Variants in GTF3C2 observed in about 807,000 individuals in gnomAD.
GTF3C2 encodes general transcription factor IIIC subunit 2.
GTF3C2 carries 17 observed loss-of-function variants against 117.4 expected under a neutral mutation model. That is an observed-to-expected ratio of 0.14 (90% CI 0.10 to 0.22). The LOEUF (loss-of-function observed/expected upper bound fraction) is 0.22, where lower values mean the gene tolerates loss of function less well. GTF3C2 is among the 10% of genes least tolerant of loss of function. The pLI, the probability that GTF3C2 is intolerant of heterozygous loss-of-function variation, is 1.00. For missense variants in GTF3C2, 888 were observed against 1,143.6 expected, an observed-to-expected ratio of 0.78 and a Z score of 3.22; for synonymous variants, 437 against 427.0, an observed-to-expected ratio of 1.02 and a Z score of -0.29.
At chr2:27,356,006 A>G (rs1681361374) in intron 1 of GTF3C2, 2 of 832,536 alleles carry the variant, frequency 2.4e-6, no homozygotes, top group Admixed American at 2.3e-5. Context: ...AGTACAATTG[A>G]TAAGAGATTG....
chr2:27,341,661 G>A (rs181505791), intron 4 of GTF3C2: 1 of 397,632 alleles, frequency 2.5e-6, no homozygotes, highest in African/African-American at 2.0e-5. Flanking sequence ...GGGTAGTGCT[G>A]ATTGCACTGT....
rs181322617 is a variant in GTF3C2, at chr2:27,349,990, T to C, written c.-24-6412A>G. On this transcript the variant is annotated intron_variant, in intron 1 of 18. Transcript: ENST00000264720. Reference sequence around the variant, plus strand: ...AAAACTTCAAATCATATAAAAGATATAAATGTCAGGAACATTTAAACATCA... The same window carrying C: ...AAAACTTCAAATCATATAAAAGATACAAATGTCAGGAACATTTAAACATCA... Among the ~76,000 whole-genome samples, 8 of 152,170 alleles carry C rather than the reference T, an allele frequency of 5.3e-5. No homozygotes were observed. The East Asian group carries it at 1.4e-3, about 26-fold the overall frequency.
exon 3 of GTF3C2, chr2:27,342,869 C>T: frequency 6.2e-7 from 1 of 1,614,162 alleles, no homozygotes; most frequent in Non-Finnish European, 8.5e-7. Flanking sequence ...GAAGGGGTCT[C>T]AAAGTCCTCA....
At chr2:27,344,180 C>T (rs1572578629) in intron 1 of GTF3C2, among the ~76,000 whole-genome samples, 2 of 151,976 alleles carry the variant, frequency 1.3e-5, no homozygotes, top group Non-Finnish European at 2.9e-5. Context: ...CGCACCACCA[C>T]GCCCAGCTAA....
exon 19 of GTF3C2, chr2:27,326,450 G>T: frequency 1.7e-6 from 1 of 591,298 alleles, no homozygotes. Flanking sequence ...CTTAGGCTGA[G>T]GAGCCTTGAG....
In GTF3C2 at chr2:27,328,023, T is replaced by C. The variant is rs1393345979; in HGVS notation, c.2409+14A>G. On this transcript the variant is annotated intron_variant, in intron 17 of 18. Transcript: ENST00000264720. ...TTTTCTAATACCACACCCATTCTCC[T>C]GGCCTCAGCTTACCAAATCTGTGTC... 1 of 1,604,526 alleles carries C rather than the reference T, an allele frequency of 6.2e-7. No homozygotes were observed. Among genetic ancestry groups the C allele is most frequent in the South Asian group, 1.1e-5 (1 of 89,786 alleles).
intron 4 of GTF3C2, 142 bp from the exon 5 acceptor site, chr2:27,338,162 T>G: frequency 1.5e-6 from 1 of 667,028 alleles, no homozygotes; most frequent in Non-Finnish European, 2.7e-6. Flanking sequence ...TTAAAAGATT[T>G]GTGTTTCAAC....
At chr2:27,331,287 C>A (rs1680263621) in intron 12 of GTF3C2, among the ~76,000 whole-genome samples, 1 of 152,168 alleles carries the variant, frequency 6.6e-6, no homozygotes, top group Non-Finnish European at 1.5e-5. Flanking sequence ...TGCTAATTTC[C>A]TTATCTTCCT....
Position 27,337,360 on chromosome 2 carries a change from G to C in GTF3C2, c.1029-18C>G, listed in dbSNP as rs749594910. The C allele has an allele frequency of 3.6e-5, 56 of 1,560,414 alleles. No individual in the cohort carries two copies. Among genetic ancestry groups the C allele is most frequent in the Non-Finnish European group, 4.9e-5 (55 of 1,131,386 alleles). On this transcript the variant is annotated intron_variant, in intron 6 of 18. Transcript: ENST00000264720. ...CGGCCTCACTGGGGGAAGACAAAGG[G>C]AACAGTCTAAATTTGGAAGTGTTTC... is the stretch of plus-strand genomic sequence containing the variant.
At chr2:27,337,107 G>C (rs902687547) in intron 7 of GTF3C2, 137 bp downstream of exon 7, 2 of 636,212 alleles carry the variant, frequency 3.1e-6, no homozygotes, top group South Asian at 1.9e-5. Flanking sequence ...ACCAGCTCTA[G>C]TCAGCACTCT....
At position 27,351,448 on chromosome 2, in the gene GTF3C2, C is replaced by T. The variant is rs562692236; in HGVS notation, c.-25+5291G>A. On this transcript the variant is annotated intron_variant, in intron 1 of 18. Coordinates refer to ENST00000264720, the Ensembl canonical transcript of GTF3C2. Reference sequence around the variant, plus strand: ...AAATAAAATAATAACAAAACATATGCTATGATGGGAAACCACCTGCTGAAT... The same window carrying T: ...AAATAAAATAATAACAAAACATATGTTATGATGGGAAACCACCTGCTGAAT... 8.1e-4 allele frequency among the ~76,000 whole-genome samples: 123 copies of T among 151,968 alleles called. 1 individual carries two copies. The highest frequency in any genetic ancestry group is 9.3e-4 in the Non-Finnish European group (63 of 67,964).
chr2:27,339,424 A>AAAAG (rs1680635493), intron 4 of GTF3C2, among the ~76,000 whole-genome samples: 2 of 146,908 alleles, frequency 1.4e-5, no homozygotes, highest in African/African-American at 5.0e-5. Context: ...AAAAAAAAAA[A>AAAAG]AAAGAAAAAA....
exon 4 of GTF3C2, chr2:27,342,103 G>C (rs1680756582): frequency 3.1e-6 from 5 of 1,614,096 alleles, no homozygotes; most frequent in African/African-American, 1.3e-5. Context: ...TCTCCACCTG[G>C]ACAGGCTGCT....
chr2:27,348,008 C>A (rs1284083010), intron 1 of GTF3C2, among the ~76,000 whole-genome samples: 2 of 152,066 alleles, frequency 1.3e-5, no homozygotes, highest in African/African-American at 4.8e-5. Context: ...CAGTGGCTCA[C>A]GCCTGTAATC....
exon 19 of GTF3C2, chr2:27,326,460 G>A: frequency 1.7e-6 from 1 of 595,792 alleles, no homozygotes; most frequent in Non-Finnish European, 3.0e-6. Flanking sequence ...GGAGCCTTGA[G>A]AGTTGGTGGA....
chr2:27,338,255 C>G (rs1386051407), intron 4 of GTF3C2: 1 of 501,596 alleles, frequency 2.0e-6, no homozygotes, highest in Non-Finnish European at 3.6e-6. Flanking sequence ...TCAGCTTCCT[C>G]AACATCTCCA....
exon 2 of GTF3C2, chr2:27,343,384 C>T: frequency 1.2e-6 from 2 of 1,614,048 alleles, no homozygotes; most frequent in Non-Finnish European, 1.7e-6. Context: ...CAAATCCAGG[C>T]AAAGGGGTAG....
Position 27,342,867 on chromosome 2 carries a change from C to G in GTF3C2, c.528G>C (p.Glu176Asp), listed in dbSNP as rs1478281754. ...GGCGGGGTCGTTCCCCAGAAGGGGT[C>G]TCAAAGTCCTCAGGGGGCCTCTTTG... The change falls in exon 3 of 19, where the codon GAG becomes GAC. Residue 176 changes from glutamate (E) to aspartate (D), a missense_variant. Coordinates refer to ENST00000264720, the Ensembl canonical transcript of GTF3C2. The G allele has an allele frequency of 4.3e-6, 7 of 1,614,020 alleles. No individual in the cohort carries two copies. The African/African-American group carries it at 8.0e-5, about 18-fold the overall frequency.
rs147401992 is a variant in GTF3C2 at position 27,344,292 on chromosome 2, G to A, written c.-24-714C>T. Among the ~76,000 whole-genome samples the A allele has an allele frequency of 3.0e-3, 464 of 152,204 alleles. 1 individual carries two copies. The highest frequency in any genetic ancestry group is 0.011 in the African/African-American group (437 of 41,506). On this transcript the variant is annotated intron_variant, in intron 1 of 18. Coordinates refer to ENST00000264720, the Ensembl canonical transcript of GTF3C2. ...ACCCGCCTCAACCTCCCAAAGTGCT[G>A]GGATTACAGATAATGAGTCACTGCG...
Sources: gnomAD v4.1 joint callset for allele counts (sites outside exome capture counted in the v4.1 genomes callset) on GRCh38, gnomAD v4.1.1 for gene constraint, MANE v1.5 for transcripts, NCBI Gene and HGNC (gene_info 2026-07-23, HGNC 2026-07-21) for gene names.